Variants in SGCD observed in about 807,000 individuals in gnomAD.
SGCD encodes delta-sarcoglycan.
In SGCD, 18 loss-of-function variants were observed where a neutral mutation model predicts 36.6. That is an observed-to-expected ratio of 0.49 (90% CI 0.34 to 0.73). The LOEUF is 0.73. Among genes scored for constraint, SGCD ranks in the 30% least tolerant of loss-of-function variants. SGCD has a pLI of 0.01. For missense variants in SGCD, 387 were observed against 346.7 expected (o/e 1.12, Z -0.92); for synonymous variants, 133 against 130.6 (o/e 1.02, Z -0.12).
chr5:156,334,892 A>G (rs952640264), intron 2 of SGCD, among the ~76,000 whole-genome samples: 2 of 152,238 alleles, frequency 1.3e-5, no homozygotes, highest in African/African-American at 2.4e-5. Flanking sequence ...TACGTCTATG[A>G]TAATTCTAAA....
intron 3 of SGCD, chr5:156,393,796 G>A (rs772250060): frequency 2.2e-6 from 1 of 456,322 alleles, no homozygotes; most frequent in South Asian, 1.5e-5. Context: ...TTCAGATGTT[G>A]TGGAATGAGC....
Position 156,056,655 on chromosome 5 carries a change from A to AAAAACAAAAAAC in SGCD, c.-281-61219_-281-61218insCAAAAAACAAAA, listed in dbSNP as rs1554115107. 3.4e-3 allele frequency among the ~76,000 whole-genome samples: 469 copies of AAAAACAAAAAAC among 136,574 alleles called. 37 individuals carry two copies. The highest frequency in any genetic ancestry group is 0.013 in the African/African-American group (438 of 34,486). The allele number at this position is 136,574 out of a possible 152,430, so 89.6% of individuals were successfully genotyped here. ...CTGCCAAATTATCCTTAAAAAAAAA[A>AAAAACAAAAAAC]AAAAAAAAAACAGTCTCCAAATTTT... is the stretch of plus-strand genomic sequence containing the variant. On this transcript the variant is annotated intron_variant, in intron 1 of 9. Coordinates refer to the SGCD transcript ENST00000517913.
intron 3 of SGCD, among the ~76,000 whole-genome samples, chr5:156,459,143 C>T (rs902089373): frequency 6.6e-5 from 10 of 152,088 alleles, no homozygotes; most frequent in African/African-American, 1.9e-4. Context: ...TTTCTCTTTC[C>T]CTCCTGTCTT....
intron 1 of SGCD, among the ~76,000 whole-genome samples, chr5:155,940,532 A>C (rs552509897): frequency 6.6e-6 from 1 of 152,270 alleles, no homozygotes; most frequent in East Asian, 1.9e-4. Context: ...ATACACATAA[A>C]ACCTAATATA....
intron 3 of SGCD, among the ~76,000 whole-genome samples, chr5:156,229,300 A>ATATATATATATATAT (rs1477607808): frequency 4.0e-4 from 50 of 126,030 alleles, no homozygotes; most frequent in South Asian, 7.7e-4. Flanking sequence ...ATATATATAT[A>ATATATATATATATAT]AAATTAGTTC....
At chr5:156,028,336 TA>T (rs1759269226) in intron 1 of SGCD, among the ~76,000 whole-genome samples, 1 of 152,096 alleles carries the variant, frequency 6.6e-6, no homozygotes, top group African/African-American at 2.4e-5. Flanking sequence ...AGTTCAAAAA[TA>T]AATAGAGAAT....
At chr5:156,060,739 C>A (rs1760183193) in intron 1 of SGCD, among the ~76,000 whole-genome samples, 1 of 145,596 alleles carries the variant, frequency 6.9e-6, no homozygotes, top group Non-Finnish European at 1.5e-5. Flanking sequence ...TTAATAGGTA[C>A]AATTTGGATG....
At chr5:155,886,240 A>C (rs1172365456) in intron 1 of SGCD, among the ~76,000 whole-genome samples, 5 of 152,222 alleles carry the variant, frequency 3.3e-5, no homozygotes, top group Admixed American at 6.5e-5. Context: ...CAGTACGTGC[A>C]GTTAGGTCTT....
intron 4 of SGCD, among the ~76,000 whole-genome samples, chr5:156,573,406 C>T (rs1391278814): frequency 6.6e-6 from 1 of 152,192 alleles, no homozygotes; most frequent in Non-Finnish European, 1.5e-5. Context: ...TTCATGACTG[C>T]CCCACCCAGG....
intron 4 of SGCD, among the ~76,000 whole-genome samples, chr5:156,578,026 T>C (rs1760056511): frequency 6.6e-6 from 1 of 152,222 alleles, no homozygotes; most frequent in Non-Finnish European, 1.5e-5. Context: ...TTTTTGCCCA[T>C]TTAGTATGAT....
At chr5:155,901,174 T>C (rs567053539) in intron 1 of SGCD, among the ~76,000 whole-genome samples, 13 of 151,660 alleles carry the variant, frequency 8.6e-5, no homozygotes, top group African/African-American at 3.1e-4. Context: ...TAGCCGGCGG[T>C]GGTGGTGGGT....
At chr5:156,324,245 A>G (rs1277762139), upstream of SGCD, among the ~76,000 whole-genome samples, 1 of 152,206 alleles carries the variant, frequency 6.6e-6, no homozygotes, top group Non-Finnish European at 1.5e-5. Flanking sequence ...CCTGGAGGGC[A>G]ACAAATCATC....
the SGCD span, among the ~76,000 whole-genome samples, chr5:155,828,270 T>A: frequency 1.3e-5 from 2 of 152,104 alleles, no homozygotes; most frequent in African/African-American, 4.8e-5. Context: ...AAAGGGTAGG[T>A]AATTATCCTT....
intron 7 of SGCD, among the ~76,000 whole-genome samples, chr5:156,737,973 A>G (rs1756462058): frequency 6.6e-6 from 1 of 152,146 alleles, no homozygotes; most frequent in African/African-American, 2.4e-5. Context: ...TTCAATCCTG[A>G]TCAAAGCTAG....
At chr5:155,869,465 C>G (rs1481149161), upstream of SGCD, among the ~76,000 whole-genome samples, 1 of 151,746 alleles carries the variant, frequency 6.6e-6, no homozygotes, top group Admixed American at 6.6e-5. Flanking sequence ...TTATAATGAC[C>G]CTGTGAGTTA....
chr5:156,354,175 G>A (rs757038875), intron 3 of SGCD, among the ~76,000 whole-genome samples: 13 of 152,270 alleles, frequency 8.5e-5, no homozygotes, highest in African/African-American at 1.4e-4. Flanking sequence ...TGAAAGTTGC[G>A]GAAAGAATAA....
chr5:156,615,917 G>T (rs1016400012), intron 6 of SGCD, among the ~76,000 whole-genome samples: 1 of 152,166 alleles, frequency 6.6e-6, no homozygotes, highest in Non-Finnish European at 1.5e-5. Flanking sequence ...GAGGAGGGAA[G>T]AAAAATATAG....
chr5:155,832,360 C>G, the SGCD span, among the ~76,000 whole-genome samples: 2 of 152,162 alleles, frequency 1.3e-5, no homozygotes, highest in Non-Finnish European at 2.9e-5. Flanking sequence ...ATAACTCTAA[C>G]ATTTATGATC....
intron 2 of SGCD, among the ~76,000 whole-genome samples, chr5:156,333,377 G>A (rs1015360412): frequency 6.6e-6 from 1 of 152,174 alleles, no homozygotes; most frequent in East Asian, 1.9e-4. Flanking sequence ...CTGGAATACA[G>A]TAGTCACTCA....
Sources: allele counts gnomAD v4.1 joint callset (sites outside exome capture counted in the v4.1 genomes callset), GRCh38; gene constraint gnomAD v4.1.1; transcripts MANE v1.5; gene names NCBI Gene and HGNC (gene_info 2026-07-23, HGNC 2026-07-21).